The following UBE2D3 variants were observed in gnomAD, a reference collection of about 807,000 sequenced individuals.
The protein encoded by UBE2D3 is ubiquitin-conjugating enzyme E2 D3.
UBE2D3 carries 2 observed loss-of-function variants against 22.8 expected under a neutral mutation model. The ratio of observed to expected loss-of-function variants is 0.09; its 90% CI spans 0.04 to 0.28. UBE2D3 has a LOEUF of 0.28. Among genes scored for constraint, UBE2D3 ranks in the 10% least tolerant of loss-of-function variants. UBE2D3 has a pLI of 1.00. For missense variants in UBE2D3, 27 were observed against 182.5 expected (o/e 0.15, Z 4.91); for synonymous variants, 56 against 60.4 (o/e 0.93, Z 0.34).
At chr4:102,851,073 A>G (rs1412349058) in intron 1 of UBE2D3, among the ~76,000 whole-genome samples, 1 of 152,244 alleles carries the variant, frequency 6.6e-6, no homozygotes, top group African/African-American at 2.4e-5. Flanking sequence ...GTTCCCCACA[A>G]ACTATTGAAA....
chr4:102,806,755 A>G (rs1329460342), intron 4 of UBE2D3, among the ~76,000 whole-genome samples: 2 of 152,192 alleles, frequency 1.3e-5, no homozygotes, highest in Non-Finnish European at 2.9e-5. Flanking sequence ...AGTAAATATC[A>G]GAGGCAATAG....
intron 1 of UBE2D3, chr4:102,844,172 G>T: frequency 6.6e-6 from 1 of 152,302 alleles, no homozygotes. Context: ...AAATTTAAAT[G>T]GGAATGTGGT....
At chr4:102,834,008 T>C (rs1731253395) in intron 1 of UBE2D3, among the ~76,000 whole-genome samples, 1 of 152,210 alleles carries the variant, frequency 6.6e-6, no homozygotes, top group Admixed American at 6.5e-5. Context: ...GTTGAAAGCT[T>C]TGAAAAGTTG....
intron 1 of UBE2D3, among the ~76,000 whole-genome samples, chr4:102,857,010 A>C (rs1016539945): frequency 3.9e-5 from 6 of 152,198 alleles, no homozygotes; most frequent in African/African-American, 1.4e-4. Context: ...AAATTGATAG[A>C]ACTATACAGC....
chr4:102,846,745 T>A (rs775632805), intron 1 of UBE2D3, among the ~76,000 whole-genome samples: 1 of 152,030 alleles, frequency 6.6e-6, no homozygotes, highest in Non-Finnish European at 1.5e-5. Context: ...GCTCAAGTGA[T>A]CCTCCCACCT....
intron 7 of UBE2D3, 56 bp downstream of exon 7, chr4:102,799,351 A>G: frequency 2.2e-6 from 3 of 1,388,882 alleles, no homozygotes; most frequent in Non-Finnish European, 3.0e-6. Context: ...CAAGCAAAGT[A>G]TAAGCCTAAC....
chr4:102,860,473 GAAGA>G (rs1471461017), intron 1 of UBE2D3, among the ~76,000 whole-genome samples: 1 of 151,368 alleles, frequency 6.6e-6, no homozygotes, highest in Non-Finnish European at 1.5e-5. Flanking sequence ...CTTTGCATCT[GAAGA>G]AAGAGTCACT....
At chr4:102,833,853 C>T (rs1731244120) in intron 1 of UBE2D3, among the ~76,000 whole-genome samples, 1 of 152,146 alleles carries the variant, frequency 6.6e-6, no homozygotes, top group South Asian at 2.1e-4. Flanking sequence ...ATATATTACA[C>T]CTATGAGAAA....
intron 7 of UBE2D3, chr4:102,798,908 T>G (rs200698775): frequency 6.2e-7 from 1 of 1,610,922 alleles, no homozygotes; most frequent in Non-Finnish European, 8.5e-7. Context: ...AAGCGCACCA[T>G]AGAGTGCAGA....
At position 102,813,528 on chromosome 4, in the gene UBE2D3, AAAGT is replaced by A. The variant is rs529049857; in HGVS notation, c.25-3677_25-3674del. 2.1e-4 allele frequency among the ~76,000 whole-genome samples: 32 copies of A among 152,324 alleles called. No individual in the cohort carries two copies. In the South Asian group the frequency reaches 6.6e-3, roughly 32 times the overall value. On this transcript the variant is annotated intron_variant, in intron 2 of 7. Transcript: ENST00000453744. ...GAAGCTTGTGGGCAGATGTAGAGATAAAGTAAGTAAAATAGGATAATGTAAGTAA... is the reference window on the plus strand; with the variant it reads ...GAAGCTTGTGGGCAGATGTAGAGATAAAGTAAAATAGGATAATGTAAGTAA...
intron 2 of UBE2D3, among the ~76,000 whole-genome samples, chr4:102,818,433 C>T (rs1055538366): frequency 2.6e-5 from 4 of 152,108 alleles, no homozygotes; most frequent in African/African-American, 9.7e-5. Flanking sequence ...CTTAAAAAAC[C>T]TATAGGAAAA....
chr4:102,799,916 T>C (rs1725876276), intron 6 of UBE2D3, among the ~76,000 whole-genome samples: 1 of 151,842 alleles, frequency 6.6e-6, no homozygotes, highest in Non-Finnish European at 1.5e-5. Flanking sequence ...AAATCCATTC[T>C]TAGCCGTTGT....
chr4:102,832,978 CAG>C (rs1731191010), intron 1 of UBE2D3, among the ~76,000 whole-genome samples: 2 of 135,198 alleles, frequency 1.5e-5, no homozygotes. Context: ...GCCTAGGTGA[CAG>C]AGTGAGACCC....
intron 1 of UBE2D3, among the ~76,000 whole-genome samples, chr4:102,857,078 T>A (rs1330471220): frequency 2.0e-5 from 3 of 152,208 alleles, no homozygotes; most frequent in Non-Finnish European, 4.4e-5. Context: ...CAGTACTGGT[T>A]CATCAGTTGT....
intron 2 of UBE2D3, among the ~76,000 whole-genome samples, chr4:102,814,457 C>CTTTTTTTTTTTT (rs574701413): frequency 3.4e-5 from 4 of 119,136 alleles, no homozygotes; most frequent in Admixed American, 9.0e-5. Context: ...CCTGGCTATT[C>CTTTTTTTTTTTT]TTTTTTTTTT....
chr4:102,827,228 G>T, intron 1 of UBE2D3, 199 bp downstream of exon 1: 2 of 981,680 alleles, frequency 2.0e-6, no homozygotes, highest in Non-Finnish European at 2.4e-6. Context: ...CTGAGGCTCC[G>T]GCTTAGGCGC....
At chr4:102,827,792 T>A (rs748284239), upstream of UBE2D3, 3 of 984,900 alleles carry the variant, frequency 3.0e-6, no homozygotes, top group Non-Finnish European at 3.6e-6. Context: ...AGGAGGATCA[T>A]GAGCTGGGGG....
intron 6 of UBE2D3, among the ~76,000 whole-genome samples, chr4:102,799,957 G>A (rs1196295116): frequency 6.6e-6 from 1 of 151,718 alleles, no homozygotes; most frequent in Non-Finnish European, 1.5e-5. Context: ...ACCCTCAAGT[G>A]CTCCACTAAA....
chr4:102,806,418 A>G (rs1727048587), intron 4 of UBE2D3, among the ~76,000 whole-genome samples: 1 of 152,184 alleles, frequency 6.6e-6, no homozygotes, highest in Non-Finnish European at 1.5e-5. Flanking sequence ...ATTAGACTAC[A>G]AAGCTCCTCA....
Sources: allele counts gnomAD v4.1 joint callset (sites outside exome capture counted in the v4.1 genomes callset), GRCh38; gene constraint gnomAD v4.1.1; transcripts MANE v1.5; gene names NCBI Gene and HGNC (gene_info 2026-07-23, HGNC 2026-07-21).